Variants in TTC6 observed in about 807,000 individuals in gnomAD.
The protein encoded by TTC6 is tetratricopeptide repeat domain 6, also known as tetratricopeptide repeat protein 6.
A neutral mutation model predicts 210.4 loss-of-function variants in TTC6; 172 were observed. The ratio of observed to expected loss-of-function variants is 0.82; its 90% CI spans 0.72 to 0.93. The LOEUF (loss-of-function observed/expected upper bound fraction) is 0.93, where lower values mean the gene tolerates loss of function less well. TTC6 is among the 40% of genes least tolerant of loss of function. TTC6 has a pLI of 0.00. For synonymous variants in TTC6, 804 were observed against 819.6 expected, an observed-to-expected ratio of 0.98 and a Z score of 0.32; for missense variants, 2,414 against 2,318.1, an observed-to-expected ratio of 1.04 and a Z score of -0.85.
At chr14:37,629,100 G>C (rs1231869537) in intron 1 of TTC6, among the ~76,000 whole-genome samples, 1 of 152,204 alleles carries the variant, frequency 6.6e-6, no homozygotes, top group South Asian at 2.1e-4. Context: ...CTCTTTTTTG[G>C]TTCCATATGA....
intron 14 of TTC6, among the ~76,000 whole-genome samples, chr14:37,776,881 A>T (rs998737258): frequency 3.3e-5 from 5 of 151,920 alleles, no homozygotes; most frequent in African/African-American, 1.2e-4. Flanking sequence ...TGGGCGCAAG[A>T]GTGAAACTCC....
intron 6 of TTC6, among the ~76,000 whole-genome samples, chr14:37,716,698 C>G (rs1026197715): frequency 3.3e-5 from 5 of 152,078 alleles, no homozygotes; most frequent in Non-Finnish European, 7.4e-5. Context: ...AATCTAAGAA[C>G]TGAGAGGAGA....
At chr14:37,752,970 T>G (rs1403166384) in intron 13 of TTC6, 129 bp from the exon 16 acceptor site, 2 of 606,364 alleles carry the variant, frequency 3.3e-6, no homozygotes, top group Non-Finnish European at 4.9e-6. Flanking sequence ...CTCTGAAAAT[T>G]TTGACATCTT....
rs553774774 is a variant in TTC6 at position 37,674,736 on chromosome 14, A to G, written c.940-5415A>G. ...TGACTTATAAATTAATGGATTTCCT[A>G]ATGTTGAATAAAGCGCATTATTTTT... On this transcript the variant is annotated intron_variant, in intron 1 of 30. Transcript: ENST00000553443. 8.9e-4 allele frequency among the ~76,000 whole-genome samples: 135 copies of G among 152,218 alleles called. 1 individual carries two copies. The highest frequency in any genetic ancestry group is 3.2e-3 in the African/African-American group (131 of 41,540).
At chr14:37,783,145 A>G (rs2139273656) in intron 14 of TTC6, among the ~76,000 whole-genome samples, 1 of 152,322 alleles carries the variant, frequency 6.6e-6, no homozygotes, top group Non-Finnish European at 1.5e-5. Flanking sequence ...TGGCCTCATA[A>G]AATGAGTTAG....
chr14:37,799,898 A>G (rs775109725), intron 20 of TTC6, among the ~76,000 whole-genome samples: 1 of 152,182 alleles, frequency 6.6e-6, no homozygotes, highest in African/African-American at 2.4e-5. Context: ...CAGCTAAGCT[A>G]TGCGCAGGCT....
chr14:37,627,287 C>CT (rs893893604), intron 1 of TTC6, among the ~76,000 whole-genome samples: 45 of 149,006 alleles, frequency 3.0e-4, no homozygotes, highest in African/African-American at 8.1e-4. Context: ...TCTGGTATTT[C>CT]TTTTTTTTTT....
At chr14:37,642,783 T>C (rs1452964374) in intron 1 of TTC6, among the ~76,000 whole-genome samples, 1 of 152,234 alleles carries the variant, frequency 6.6e-6, no homozygotes, top group East Asian at 1.9e-4. Flanking sequence ...GACTGTGTGG[T>C]ATAGCCTGTT....
chr14:37,743,086 T>C (rs143086915), intron 10 of TTC6, among the ~76,000 whole-genome samples: 1 of 152,354 alleles, frequency 6.6e-6, no homozygotes, highest in East Asian at 1.9e-4. Flanking sequence ...TATGTATACA[T>C]ATTCCAACCC....
intron 20 of TTC6, among the ~76,000 whole-genome samples, chr14:37,799,019 A>G (rs2096099405): frequency 6.6e-6 from 1 of 152,022 alleles, no homozygotes; most frequent in Non-Finnish European, 1.5e-5. Context: ...TTTATGAGTG[A>G]GATTGGTTTT....
intron 2 of TTC6, among the ~76,000 whole-genome samples, chr14:37,608,544 T>A (rs758050106): frequency 7.2e-5 from 11 of 152,142 alleles, no homozygotes; most frequent in Non-Finnish European, 1.3e-4. Context: ...TGGGCTCAAG[T>A]GATTCTATTG....
At chr14:37,802,680 T>C (rs2096109580) in intron 20 of TTC6, among the ~76,000 whole-genome samples, 1 of 152,140 alleles carries the variant, frequency 6.6e-6, no homozygotes. Context: ...GAAAAACGAA[T>C]GCACCTCTGG....
chr14:37,808,817 T>C, exon 24 of TTC6: 1 of 1,544,020 alleles, frequency 6.5e-7, no homozygotes. Context: ...CAGAGCATTA[T>C]GTTACACCAA....
intron 15 of TTC6, 106 bp from the exon 18 acceptor site, chr14:37,790,611 A>G: frequency 1.1e-6 from 1 of 875,932 alleles, no homozygotes; most frequent in Non-Finnish European, 1.7e-6. Flanking sequence ...ATTTTATATA[A>G]TGTTAAAAAA....
intron 1 of TTC6, among the ~76,000 whole-genome samples, chr14:37,670,940 G>T (rs1426085292): frequency 6.6e-6 from 1 of 152,184 alleles, no homozygotes; most frequent in Non-Finnish European, 1.5e-5. Context: ...TATCTGAAGA[G>T]CTAGAGTTTT....
intron 2 of TTC6, among the ~76,000 whole-genome samples, chr14:37,681,431 G>A (rs1004006796): frequency 5.3e-5 from 8 of 152,090 alleles, no homozygotes; most frequent in Non-Finnish European, 1.0e-4. Context: ...CTTAGATATC[G>A]TCTTGATTAT....
At position 37,741,137 on chromosome 14, in the gene TTC6, T is replaced by G. The variant is rs145285073; in HGVS notation, c.2363+1982T>G. Among the ~76,000 whole-genome samples, 56 of 152,278 alleles carry G rather than the reference T, an allele frequency of 3.7e-4. No homozygotes were observed. In the East Asian group the frequency reaches 0.01, roughly 28 times the overall value. On this transcript the variant is annotated intron_variant, in intron 10 of 30. Transcript: ENST00000553443. Reference sequence around the variant, plus strand: ...ACTGTGGGAGTATTGTTAGTACAGCTTTCCTACCTTTTTAAAAAAATCTTA... The same window carrying G: ...ACTGTGGGAGTATTGTTAGTACAGCGTTCCTACCTTTTTAAAAAAATCTTA...
intron 4 of TTC6, among the ~76,000 whole-genome samples, chr14:37,698,533 G>C (rs2095819037): frequency 6.6e-6 from 1 of 152,082 alleles, no homozygotes; most frequent in Non-Finnish European, 1.5e-5. Context: ...TAGGAGCCCA[G>C]AGTACCTGGG....
intron 14 of TTC6, among the ~76,000 whole-genome samples, chr14:37,761,816 T>C (rs754978903): frequency 1.3e-5 from 2 of 152,220 alleles, no homozygotes; most frequent in Non-Finnish European, 2.9e-5. Context: ...GTGGCTCTAG[T>C]TTCTTCACTT....
Sources: gnomAD v4.1 joint callset for allele counts (sites outside exome capture counted in the v4.1 genomes callset) on GRCh38, gnomAD v4.1.1 for gene constraint, MANE v1.5 for transcripts, NCBI Gene and HGNC (gene_info 2026-07-23, HGNC 2026-07-21) for gene names.